ITSN2: variants seen among roughly 807,000 people sequenced by gnomAD.
ITSN2 encodes intersectin 2.
A neutral mutation model predicts 243.7 loss-of-function variants in ITSN2; 156 were observed. The observed-to-expected ratio is 0.64, with a 90% CI of 0.56 to 0.73. The LOEUF is 0.73. ITSN2 is among the 30% of genes least tolerant of loss of function. ITSN2 has a pLI of 0.00. For missense variants in ITSN2, 1,801 were observed against 1,996.1 expected (o/e 0.90, Z 1.86); for synonymous variants, 703 against 699.9 (o/e 1.00, Z -0.07).
At chr2:24,347,825 GC>G (rs1687685651) in intron 1 of ITSN2, among the ~76,000 whole-genome samples, 1 of 151,648 alleles carries the variant, frequency 6.6e-6, no homozygotes, top group Non-Finnish European at 1.5e-5. Context: ...TAATCCTAGC[GC>G]TTTTGGGAGG....
In ITSN2 at chr2:24,331,752, C is replaced by G. The variant is rs1385418180; in HGVS notation, c.-33-3637G>C. On this transcript the variant is annotated intron_variant, in intron 1 of 39. Transcript: ENST00000355123. Reference sequence around the variant, plus strand: ...CTTTCCAGTGATGCCACTGAGACGGCACCTGTCAAAAGAGCAGTGGTTCTT... The same window carrying G: ...CTTTCCAGTGATGCCACTGAGACGGGACCTGTCAAAAGAGCAGTGGTTCTT... Among the ~76,000 whole-genome samples, 6 of 152,208 alleles carry G rather than the reference C, an allele frequency of 3.9e-5. No individual in the cohort carries two copies. The South Asian group carries it at 1.2e-3, about 31-fold the overall frequency.
At chr2:24,315,251 G>C (rs944207950) in intron 2 of ITSN2, 27 bp from the exon 3 acceptor site, 7 of 1,260,432 alleles carry the variant, frequency 5.6e-6, no homozygotes, top group Non-Finnish European at 6.9e-6. Context: ...AGAAACTATA[G>C]TGTATACATG....
At position 24,208,332 on chromosome 2, in the gene ITSN2, C is replaced by CA. The variant is rs145959648; in HGVS notation, c.4596-14dup. On this transcript the variant is annotated splice_polypyrimidine_tract_variant and intron_variant, in intron 36 of 39. Transcript: ENST00000355123. Reference sequence around the variant, plus strand: ...CACCCAGGCGGTCCTACGGGAGAAGCAGGGGCAGCCGTTGGCCGCATCCCA... The same window carrying CA: ...CACCCAGGCGGTCCTACGGGAGAAGCAAGGGGCAGCCGTTGGCCGCATCCCA... 2,089 of 1,609,594 alleles carry CA rather than the reference C, an allele frequency of 1.3e-3. 22 individuals carry two copies. The African/African-American group carries it at 0.026, about 20-fold the overall frequency.
Position 24,277,256 on chromosome 2 carries a change from A to G in ITSN2, c.1945-1407T>C, listed in dbSNP as rs567139799. On this transcript the variant is annotated intron_variant, in intron 17 of 39. Coordinates refer to ENST00000355123, the MANE Select transcript of ITSN2 (RefSeq NM_006277.3). ...TCATGGCAAAGGTGAGAGCTGGACA[A>G]TATTTGGGTAGAATGTTTTGGTAAA... is the stretch of plus-strand genomic sequence containing the variant. Among the ~76,000 whole-genome samples the G allele has an allele frequency of 1.8e-4, 27 of 152,350 alleles. No individual in the cohort carries two copies. The South Asian group carries it at 4.1e-3, about 23-fold the overall frequency.
chr2:24,266,097 T>C (rs1279346089), intron 20 of ITSN2, among the ~76,000 whole-genome samples: 11 of 152,216 alleles, frequency 7.2e-5, no homozygotes, highest in Non-Finnish European at 1.6e-4. Context: ...TAAGGCATAA[T>C]CCTTCAAGGC....
chr2:24,267,466 T>C (rs558767311), intron 20 of ITSN2, among the ~76,000 whole-genome samples: 5 of 151,918 alleles, frequency 3.3e-5, no homozygotes, highest in Admixed American at 6.6e-5. Context: ...CATATGTACA[T>C]ACATACATAC....
At chr2:24,328,738 C>T (rs768257317) in intron 1 of ITSN2, among the ~76,000 whole-genome samples, 1 of 152,194 alleles carries the variant, frequency 6.6e-6, no homozygotes, top group Non-Finnish European at 1.5e-5. Context: ...GCTGAGATTA[C>T]AGGCGTTAGC....
chr2:24,282,838 G>A (rs554792694), intron 17 of ITSN2, among the ~76,000 whole-genome samples: 8 of 152,158 alleles, frequency 5.3e-5, no homozygotes, highest in East Asian at 3.9e-4. Context: ...TCTTCTCCCC[G>A]TATGTTACAC....
intron 30 of ITSN2, chr2:24,220,260 C>CTGGT (rs1670318750): frequency 1.1e-6 from 1 of 911,996 alleles, no homozygotes; most frequent in African/African-American, 1.8e-5. Context: ...GTTAATGTAA[C>CTGGT]TGGTCTTCTC....
In ITSN2 at chr2:24,275,805, C is replaced by T. The variant is rs77507357; in HGVS notation, c.1989G>A (p.Gln663=). Residue 663 remains glutamine, a synonymous_variant, in exon 18 of 40, where the codon CAG becomes CAA. Coordinates refer to ENST00000355123, the MANE Select transcript of ITSN2 (RefSeq NM_006277.3). ...ACTTGTCACGTTTGATCTTATAAAGCTGTTCAAGGGCTAACTGCTGTGTGT... is the reference window on the plus strand; with the variant it reads ...ACTTGTCACGTTTGATCTTATAAAGTTGTTCAAGGGCTAACTGCTGTGTGT... ...TYNTQQLALE[Q]LYKIKRDKLK... is the part of the protein sequence containing the mutation. The T allele has an allele frequency of 1.6e-3, 2,541 of 1,612,784 alleles. 34 individuals are homozygous for T. The African/African-American group carries it at 0.031, about 20-fold the overall frequency.
chr2:24,247,301 G>A (rs1304341310), intron 27 of ITSN2, among the ~76,000 whole-genome samples: 1 of 152,216 alleles, frequency 6.6e-6, no homozygotes, highest in Non-Finnish European at 1.5e-5. Flanking sequence ...ATCATTGCCA[G>A]GAGGAGTTAA....
At position 24,327,852 on chromosome 2, in the gene ITSN2, C is replaced by T. The variant is rs553390355; in HGVS notation, c.31+200G>A. On this transcript the variant is annotated intron_variant, in intron 2 of 39. Coordinates refer to ENST00000355123, the MANE Select transcript of ITSN2 (RefSeq NM_006277.3). ...TCCTAACTGCTCAATGGCAAACACA[C>T]GTTCCAGAATATAGTCATGGGATTT... Among the ~76,000 whole-genome samples the T allele has an allele frequency of 4.6e-5, 7 of 152,286 alleles. No individual in the cohort carries two copies. The East Asian group carries it at 5.8e-4, about 13-fold the overall frequency.
At chr2:24,298,139 C>T (rs920381251) in intron 13 of ITSN2, among the ~76,000 whole-genome samples, 1 of 151,696 alleles carries the variant, frequency 6.6e-6, no homozygotes, top group Non-Finnish European at 1.5e-5. Flanking sequence ...CACCCACCAC[C>T]ACCCACCACG....
In ITSN2 at chr2:24,301,880, A is replaced by G. The variant is rs556618264; in HGVS notation, c.995+85T>C. On this transcript the variant is annotated intron_variant, in intron 10 of 39. Coordinates refer to ENST00000355123, the MANE Select transcript of ITSN2 (RefSeq NM_006277.3). ...TATAACTTGTTGAATACTAAAATCA[A>G]TGGCAGTGCAAATATTTAACTCTCT... is the stretch of plus-strand genomic sequence containing the variant. 9 of 1,244,942 alleles carry G rather than the reference A, an allele frequency of 7.2e-6. No individual in the cohort carries two copies. In the East Asian group the frequency reaches 2.2e-4, roughly 30 times the overall value. The allele number at this position is 1,244,942 out of a possible 1,614,324, so 77.1% of individuals were successfully genotyped here.
Position 24,275,750 on chromosome 2 carries a change from G to A in ITSN2, c.2044C>T (p.Leu682=), listed in dbSNP as rs777028668. ...TCTTCTAGTTTCTTTTTCTGCATTAGTTCTAATCTTTTCCTTTCAATTTCC... is the reference window on the plus strand; with the variant it reads ...TCTTCTAGTTTCTTTTTCTGCATTAATTCTAATCTTTTCCTTTCAATTTCC... ...LKEIERKRLE[L]MQKKKLEDEA... Residue 682 remains leucine (L), a synonymous_variant, in exon 18 of 40, where the codon CTA becomes TTA. Transcript: ENST00000355123. 7 of 1,611,476 alleles carry A rather than the reference G, an allele frequency of 4.3e-6. No individual in the cohort carries two copies. The South Asian group carries it at 6.6e-5, about 15-fold the overall frequency.
At position 24,257,908 on chromosome 2, in the gene ITSN2, C is replaced by T. The variant is rs775981283; in HGVS notation, c.2868G>A (p.Gly956=). 1.2e-6 allele frequency: 2 copies of T among 1,613,796 alleles called. No homozygotes were observed. The highest frequency in any genetic ancestry group is 1.3e-5 in the African/African-American group (1 of 74,922). Residue 956 remains glycine, a synonymous_variant, in exon 23 of 40, where the codon GGG becomes GGA. Transcript: ENST00000355123. ...FPKSYVKIIP[G]SEVKREEPEA... ...CTTACTCTTCCCGTTTTACTTCACT[C>T]CCAGGAATGATCTTGACATAAGATT...
intron 30 of ITSN2, among the ~76,000 whole-genome samples, chr2:24,219,050 G>A (rs1044757159): frequency 1.1e-4 from 16 of 152,152 alleles, no homozygotes; most frequent in Admixed American, 9.2e-4. Context: ...TGGATGGCCT[G>A]TAGGCCCCTG....
At chr2:24,254,212 G>C (rs1674725850) in intron 24 of ITSN2, among the ~76,000 whole-genome samples, 155 bp downstream of exon 24, 2 of 152,092 alleles carry the variant, frequency 1.3e-5, no homozygotes, top group Admixed American at 6.6e-5. Context: ...ATGTGAAATA[G>C]ATAGGGGCAG....
In ITSN2 at chr2:24,295,659, C is replaced by T. The variant is rs1428909263; in HGVS notation, c.1635+5G>A. 6.6e-7 allele frequency: 1 copy of T among 1,526,006 alleles called. No individual in the cohort carries two copies. The highest frequency in any genetic ancestry group is 8.7e-7 in the Non-Finnish European group (1 of 1,147,026). The allele number at this position is 1,526,006 out of a possible 1,614,324, so 94.5% of individuals were successfully genotyped here. A position where few individuals can be genotyped will look rare whatever the true frequency, so the allele number is the denominator to read the frequency against. Reference sequence around the variant, plus strand: ...TTAAGAACAATTTAGCAGTGAAGGACTTACCTGAAGTTCCTGTTGAAGTTG... The same window carrying T: ...TTAAGAACAATTTAGCAGTGAAGGATTTACCTGAAGTTCCTGTTGAAGTTG... On this transcript the variant is annotated splice_donor_5th_base_variant and intron_variant, in intron 14 of 39. Coordinates refer to ENST00000355123, the MANE Select transcript of ITSN2 (RefSeq NM_006277.3).
Sources: gnomAD v4.1 joint callset for allele counts (sites outside exome capture counted in the v4.1 genomes callset) on GRCh38, gnomAD v4.1.1 for gene constraint, MANE v1.5 for transcripts, NCBI Gene and HGNC (gene_info 2026-07-23, HGNC 2026-07-21) for gene names.